The following KNL1 variants were observed in gnomAD, a reference collection of about 807,000 sequenced individuals.
KNL1 encodes the protein outer kinetochore KNL1 complex subunit KNL1.
A neutral mutation model predicts 201.3 loss-of-function variants in KNL1; 66 were observed. The ratio of observed to expected loss-of-function variants is 0.33; its 90% CI spans 0.27 to 0.40. KNL1 has a LOEUF of 0.40. Ranked by LOEUF, KNL1 falls within the 10% of genes least tolerant of loss-of-function variation. KNL1 has a pLI of 1.00. For synonymous variants in KNL1, 895 were observed against 899.2 expected (o/e 1.00, Z 0.08); for missense variants, 2,815 against 2,690.5 (o/e 1.05, Z -1.02).
chr15:40,601,259 C>T (rs1891782871), intron 1 of KNL1, among the ~76,000 whole-genome samples: 1 of 152,184 alleles, frequency 6.6e-6, no homozygotes, highest in South Asian at 2.1e-4. Context: ...AGAGGTGGAA[C>T]AGTTTCATCC....
intron 22 of KNL1, among the ~76,000 whole-genome samples, chr15:40,656,758 C>T (rs1030399703): frequency 2.0e-5 from 3 of 149,308 alleles, no homozygotes; most frequent in Admixed American, 6.7e-5. Context: ...TGGTGGCAGA[C>T]GCCTGTAATC....
intron 25 of KNL1, among the ~76,000 whole-genome samples, chr15:40,659,782 G>T (rs1421505750): frequency 6.6e-6 from 1 of 151,794 alleles, no homozygotes; most frequent in Admixed American, 6.6e-5. Flanking sequence ...GCCCAGCAAG[G>T]ACTACTTTTT....
intron 1 of KNL1, among the ~76,000 whole-genome samples, chr15:40,598,194 G>GA (rs955429296): frequency 2.7e-3 from 401 of 149,102 alleles, no homozygotes; most frequent in Admixed American, 6.1e-3. Context: ...AAAAGAAAAA[G>GA]AAAAAAAAAG....
chr15:40,651,299 A>T (rs955953090), intron 19 of KNL1, among the ~76,000 whole-genome samples, 172 bp from the exon 20 acceptor site: 1 of 150,854 alleles, frequency 6.6e-6, no homozygotes, highest in East Asian at 1.9e-4. Flanking sequence ...CTTATATAAA[A>T]AAAAAAAAAA....
chr15:40,660,985 C>G (rs1313800274), intron 25 of KNL1, among the ~76,000 whole-genome samples: 3 of 152,262 alleles, frequency 2.0e-5, no homozygotes, highest in Admixed American at 2.0e-4. Flanking sequence ...TCTGTGGAAC[C>G]AGCCCTAAAA....
At chr15:40,652,280 A>G (rs1355264064) in intron 21 of KNL1, among the ~76,000 whole-genome samples, 175 bp downstream of exon 21, 1 of 152,188 alleles carries the variant, frequency 6.6e-6, no homozygotes, top group Non-Finnish European at 1.5e-5. Context: ...TGTAAAGAAT[A>G]AAATAAAAAT....
In KNL1 at chr15:40,610,227, C is replaced by T. The variant is rs1892108494; in HGVS notation, c.198-18C>T. The T allele has an allele frequency of 1.5e-6, 2 of 1,373,034 alleles. No individual in the cohort carries two copies. The highest frequency in any genetic ancestry group is 1.2e-5 in the South Asian group (1 of 82,616). 85.1% of individuals were successfully genotyped at this position (1,373,034 alleles called of 1,614,324 possible). On this transcript the variant is annotated intron_variant, in intron 5 of 25. Transcript: ENST00000399668. Reference sequence around the variant, plus strand: ...TTACAAATTGCAGGTTTTCAATAATCTTTATTTTCTCTTCTAGGGTATTCC... The same window carrying T: ...TTACAAATTGCAGGTTTTCAATAATTTTTATTTTCTCTTCTAGGGTATTCC...
chr15:40,612,725 G>C (rs1479786655), intron 7 of KNL1, among the ~76,000 whole-genome samples: 2 of 151,984 alleles, frequency 1.3e-5, no homozygotes, highest in African/African-American at 4.8e-5. Flanking sequence ...CACCATGTTG[G>C]CCAGAATTGT....
chr15:40,635,123 AC>A (rs1286701071), intron 13 of KNL1, among the ~76,000 whole-genome samples: 2 of 149,740 alleles, frequency 1.3e-5, no homozygotes, highest in Non-Finnish European at 3.0e-5. Context: ...ATCTCGGCTC[AC>A]TGCAACCTCC....
At chr15:40,599,230 A>C (rs1024916665) in intron 1 of KNL1, among the ~76,000 whole-genome samples, 1 of 150,768 alleles carries the variant, frequency 6.6e-6, no homozygotes, top group African/African-American at 2.4e-5. Context: ...CTTGGGAGGC[A>C]TGAACCCGGG....
At chr15:40,657,193 C>T (rs750570025) in intron 23 of KNL1, 42 bp downstream of exon 23, 1 of 1,304,050 alleles carries the variant, frequency 7.7e-7, no homozygotes, top group Non-Finnish European at 1.1e-6. Flanking sequence ...TTTGTGATAT[C>T]TTTCCAAAAA....
In KNL1 at chr15:40,638,296, C is replaced by T. The variant is rs375336560; in HGVS notation, c.5683-2616C>T. Among the ~76,000 whole-genome samples the T allele has an allele frequency of 1.1e-4, 17 of 151,702 alleles. No homozygotes were observed. In the South Asian group the frequency reaches 3.6e-3, roughly 32 times the overall value. On this transcript the variant is annotated intron_variant, in intron 13 of 25. Coordinates refer to ENST00000399668, the MANE Select transcript of KNL1 (RefSeq NM_144508.5). ...GGAAGGGAAGGGAAGGATAGGATAA[C>T]ATAAGCTGGGTTCTAGTGTTGTCAT...
rs115900739 is a variant in KNL1, at chr15:40,650,588, G to A, written c.6212+5G>A. ...TGAAGAAGAGGAGCTTCAAAGGTCA[G>A]CCTTCAATCCAAGTGTTAGAAAATA... On this transcript the variant is annotated splice_donor_5th_base_variant and intron_variant, in intron 19 of 25. Coordinates refer to ENST00000399668, the MANE Select transcript of KNL1 (RefSeq NM_144508.5). The A allele has an allele frequency of 8.4e-4, 1,315 of 1,558,814 alleles. 12 individuals are homozygous for A. The African/African-American group carries it at 0.017, about 20-fold the overall frequency.
rs1342417132 is a variant in KNL1, at chr15:40,622,846, C to T, written c.2582C>T (p.Thr861Ile). ...GTTGGTGGACCAAAAATTGATAAGA[C>T]TATTGTATTTTCAGAAGACGATAAG... ...KSVGGPKIDK[T>I]IVFSEDDKND... Residue 861 changes from threonine (T) to isoleucine (I), a missense_variant, in exon 10 of 26, where the codon ACT becomes ATT. Transcript: ENST00000399668. 5.0e-6 allele frequency: 8 copies of T among 1,613,486 alleles called. No individual in the cohort carries two copies. Among genetic ancestry groups the T allele is most frequent in the African/African-American group, 2.7e-5 (2 of 74,862 alleles).
chr15:40,654,964 ATC>A lies in KNL1; in HGVS notation c.6475_6476del (p.Leu2159ValfsTer3). On this transcript the variant is annotated frameshift_variant, in exon 22 of 26. Transcript: ENST00000399668. LOFTEE classifies it high-confidence loss of function. ...GGAAGATTGTTGATGTCAATTTTCAATCTCTGTTAGATGGTAAGTAGAAAACA... is the reference window on the plus strand; with the variant it reads ...GGAAGATTGTTGATGTCAATTTTCAATCTGTTAGATGGTAAGTAGAAAACA... ...YRKIVDVNFQ[S>X]LLDEDQAPPS... 1 of 1,612,538 alleles carries A rather than the reference ATC, an allele frequency of 6.2e-7. No homozygotes were observed. The highest frequency in any genetic ancestry group is 8.5e-7 in the Non-Finnish European group (1 of 1,179,014).
intron 9 of KNL1, among the ~76,000 whole-genome samples, chr15:40,619,468 C>T (rs1410827295): frequency 6.6e-6 from 1 of 151,912 alleles, no homozygotes; most frequent in Non-Finnish European, 1.5e-5. Context: ...GTGGCACAAT[C>T]TTGGCTCATT....
chr15:40,602,515 T>A (rs1891841472), intron 1 of KNL1, among the ~76,000 whole-genome samples: 1 of 145,650 alleles, frequency 6.9e-6, no homozygotes, highest in African/African-American at 2.6e-5. Flanking sequence ...AGACAGAGTT[T>A]TGCTCTTGTC....
At chr15:40,638,799 CT>C (rs1210657788) in intron 13 of KNL1, among the ~76,000 whole-genome samples, 1 of 147,104 alleles carries the variant, frequency 6.8e-6, no homozygotes, top group African/African-American at 2.5e-5. Flanking sequence ...GCTGCCATTT[CT>C]TTTTTTTCTT....
At chr15:40,618,183 A>G (rs957686342) in intron 8 of KNL1, among the ~76,000 whole-genome samples, 1 of 151,868 alleles carries the variant, frequency 6.6e-6, no homozygotes, top group Non-Finnish European at 1.5e-5. Context: ...TAGTTCTAAA[A>G]TAAGTCTTGA....
Sources: gnomAD v4.1 joint callset for allele counts (sites outside exome capture counted in the v4.1 genomes callset) on GRCh38, gnomAD v4.1.1 for gene constraint, MANE v1.5 for transcripts, NCBI Gene and HGNC (gene_info 2026-07-23, HGNC 2026-07-21) for gene names.